The following TTC14 variants were observed in gnomAD, a reference collection of about 807,000 sequenced individuals.
TTC14 encodes the protein tetratricopeptide repeat protein 14.
Under a neutral mutation model 79.9 loss-of-function variants are expected in TTC14, and 63 were observed. That is an observed-to-expected ratio of 0.79 (90% CI 0.64 to 0.97). TTC14 has a LOEUF of 0.97. Ranked by LOEUF, TTC14 falls within the 50% of genes least tolerant of loss-of-function variation. The pLI, the probability that TTC14 is intolerant of heterozygous loss-of-function variation, is 0.00. For synonymous variants in TTC14, 335 were observed against 309.6 expected (o/e 1.08, Z -0.86); for missense variants, 895 against 894.0 (o/e 1.00, Z -0.01).
intron 10 of TTC14, chr3:180,608,141 G>C (rs1346397595): frequency 9.9e-7 from 1 of 1,009,684 alleles, no homozygotes; most frequent in Non-Finnish European, 1.2e-6. Context: ...GTTTTCTCAT[G>C]CATTTTCTTC....
In TTC14 at chr3:180,604,559, G is replaced by T; in HGVS notation, c.653G>T (p.Gly218Val). Residue 218 changes from glycine to valine, a missense_variant, in exon 5 of 12, where the codon GGT becomes GTT. By Grantham distance (109) the Gly-to-Val change is moderately radical. Coordinates refer to ENST00000296015, the MANE Select transcript of TTC14 (RefSeq NM_133462.4). ...TCTTCTCTTCCACCACACCTATCTG[G>T]TATTAAATTAGGTGTAATTAGCTCT... ...YSSSLPPHLS[G>V]IKLGVISSEE... 1.2e-6 allele frequency: 2 copies of T among 1,609,086 alleles called. No individual in the cohort carries two copies. The highest frequency in any genetic ancestry group is 1.7e-6 in the Non-Finnish European group (2 of 1,177,302).
chr3:180,610,989 A>G lies in TTC14; in HGVS notation c.*447A>G, dbSNP rs1716972574. ...AGCTTTTGAAAGATTATATGTTCGA[A>G]TGTTTCTTGAACACTTTTATATTTA... On this transcript the variant is annotated 3_prime_UTR_variant, in exon 12 of 12. Coordinates refer to ENST00000296015, the MANE Select transcript of TTC14 (RefSeq NM_133462.4). 1 of 942,248 alleles carries G rather than the reference A, an allele frequency of 1.1e-6. No homozygotes were observed. Among genetic ancestry groups the G allele is most frequent in the African/African-American group, 1.8e-5 (1 of 56,208 alleles). 58.4% of individuals were successfully genotyped at this position (942,248 alleles called of 1,614,324 possible). A position where few individuals can be genotyped will look rare whatever the true frequency, so the allele number is the denominator to read the frequency against.
Position 180,605,907 on chromosome 3 carries a change from A to G in TTC14, c.929+70A>G. 3.5e-6 allele frequency: 5 copies of G among 1,446,294 alleles called. No individual in the cohort carries two copies. The South Asian group carries it at 5.0e-5, about 15-fold the overall frequency. 89.6% of individuals were successfully genotyped at this position (1,446,294 alleles called of 1,614,324 possible). On this transcript the variant is annotated intron_variant, in intron 7 of 11. Transcript: ENST00000296015. ...AGCTTAGGGCAAGGCAAGCATGCTT[A>G]TATCATCAATAAGACAAATTTGAGA...
chr3:180,605,843 A>C lies in TTC14; in HGVS notation c.929+6A>C. On this transcript the variant is annotated splice_donor_region_variant and intron_variant, in intron 7 of 11. Coordinates refer to ENST00000296015, the MANE Select transcript of TTC14 (RefSeq NM_133462.4). ...GCATCTTGGGCTTTAAAATGGTATG[A>C]AGACTGTCTTTCAACAATTGCATTA... 6.3e-7 allele frequency: 1 copy of C among 1,576,114 alleles called. No individual in the cohort carries two copies. The highest frequency in any genetic ancestry group is 1.7e-4 in the Middle Eastern group (1 of 5,964).
intron 10 of TTC14, 96 bp from the exon 11 acceptor site, chr3:180,608,605 T>C (rs1716819855): frequency 4.4e-6 from 6 of 1,357,564 alleles, no homozygotes; most frequent in Non-Finnish European, 5.7e-6. Context: ...TTTTACTAAA[T>C]TGGGTTTCTC....
downstream of TTC14, chr3:180,614,194 C>T (rs1717128772): frequency 6.3e-6 from 1 of 158,858 alleles, no homozygotes; most frequent in Non-Finnish European, 1.4e-5. Context: ...TTCATTAAAT[C>T]GTTTATTAAA....
chr3:180,614,986 G>A, downstream of TTC14: 1 of 1,565,234 alleles, frequency 6.4e-7, no homozygotes, highest in Non-Finnish European at 8.7e-7. Context: ...GGCCTAGAAG[G>A]GCTGCCTACT....
In TTC14 at chr3:180,609,837, C is replaced by T. The variant is rs1358340374; in HGVS notation, c.1608C>T (p.Cys536=). 2 of 1,613,400 alleles carry T rather than the reference C, an allele frequency of 1.2e-6. No individual in the cohort carries two copies. Among genetic ancestry groups the T allele is most frequent in the Non-Finnish European group, 1.7e-6 (2 of 1,179,796 alleles). Residue 536 remains cysteine (C), a synonymous_variant, in exon 12 of 12, where the codon TGC becomes TGT. Coordinates refer to ENST00000296015, the MANE Select transcript of TTC14 (RefSeq NM_133462.4). ...TAGATCAGAATAGGAAAGATGAGTGCTACCCAGTTCCAGCTAATACTTCAG... is the reference window on the plus strand; with the variant it reads ...TAGATCAGAATAGGAAAGATGAGTGTTACCCAGTTCCAGCTAATACTTCAG... ...NQIDQNRKDE[C]YPVPANTSAS...
At chr3:180,612,261 T>A (rs113022228), downstream of TTC14, among the ~76,000 whole-genome samples, 1,150 of 152,088 alleles carry the variant, frequency 7.6e-3, 13 homozygotes, top group African/African-American at 0.024. Context: ...ATTTAAAAAA[T>A]TTTTTTTTCC....
chr3:180,605,068 C>T (rs568947778), intron 6 of TTC14, 61 bp downstream of exon 6: 498 of 1,517,552 alleles, frequency 3.3e-4, no homozygotes, highest in Admixed American at 4.2e-4. Context: ...TCAGAAGCTG[C>T]GTTTAGCTGA....
Position 180,602,291 on chromosome 3 carries a change from A to C in TTC14, c.30A>C (p.Leu10=). Residue 10 remains leucine, a synonymous_variant, in exon 1 of 12, where the codon CTA becomes CTC. Coordinates refer to ENST00000296015, the MANE Select transcript of TTC14 (RefSeq NM_133462.4). MDRDLLRQS[L]NCHGSSLLSL... ...ACCGGGACCTTTTGCGGCAGTCGCT[A>C]AATTGCCACGGGTCGTCTTTGCTCT... 6.2e-7 allele frequency: 1 copy of C among 1,614,044 alleles called. No individual in the cohort carries two copies. Among genetic ancestry groups the C allele is most frequent in the Non-Finnish European group, 8.5e-7 (1 of 1,180,016 alleles).
chr3:180,606,917 ATACT>A (rs1296356278), intron 9 of TTC14, among the ~76,000 whole-genome samples: 3 of 152,120 alleles, frequency 2.0e-5, no homozygotes, highest in African/African-American at 7.2e-5. Flanking sequence ...AGCTTTTTAC[ATACT>A]TACTAGGTGG....
rs9858483 is a variant in TTC14 at position 180,607,699 on chromosome 3, T to C, written c.1224T>C (p.Ala408=). ...ATGCTGAAAGTTACTATAAGAAAGC[T>C]TTGGCTTTGGATGAGACTTTTAAAG... ...FLNAESYYKK[A]LALDETFKDA... The change falls in exon 10 of 12, where the codon GCT becomes GCC. Residue 408 remains alanine (A), a synonymous_variant. Transcript: ENST00000296015. 158,219 of 1,611,124 alleles carry C rather than the reference T, an allele frequency of 0.098. 8,387 individuals carry two copies. Among genetic ancestry groups the C allele is most frequent in the Admixed American group, 0.13 (7,874 of 59,598 alleles).
At position 180,608,668 on chromosome 3, in the gene TTC14, G is replaced by T. The variant is rs145704973; in HGVS notation, c.1291-33G>T. 2.6e-4 allele frequency: 382 copies of T among 1,472,332 alleles called. 2 individuals carry two copies. The highest frequency in any genetic ancestry group is 2.2e-3 in the African/African-American group (155 of 69,134). The allele number at this position is 1,472,332 out of a possible 1,614,324, so 91.2% of individuals were successfully genotyped here. ...TTTTATATATTCTGCTATTTTTAAC[G>T]TGTGGTTTTTTTCGATATCTGGGTT... On this transcript the variant is annotated intron_variant, in intron 10 of 11. Transcript: ENST00000296015.
rs924497128 is a variant in TTC14 at position 180,610,109 on chromosome 3, G to T, written c.1880G>T (p.Arg627Ile). Residue 627 changes from arginine (R) to isoleucine (I), a missense_variant, in exon 12 of 12, where the codon AGA (arginine) becomes ATA (isoleucine). By Grantham distance (97) the Arg-to-Ile change is moderately conservative. Transcript: ENST00000296015. ...TCAGAAAGACATTTTTCCAGTAGAA[G>T]AAATTCCTCAGATTCCTTCTGTAGG... ...YKSERHFSSR[R>I]NSSDSFCRNS... 11 of 1,612,938 alleles carry T rather than the reference G, an allele frequency of 6.8e-6. No individual in the cohort carries two copies. The highest frequency in any genetic ancestry group is 1.7e-5 in the Admixed American group (1 of 59,762).
chr3:180,616,488 AAATATTT>A (rs1344211228), intron 12 of TTC14: 1 of 1,509,618 alleles, frequency 6.6e-7, no homozygotes, highest in African/African-American at 1.4e-5. Context: ...AGTTTTTAAG[AAATATTT>A]AATAGAAGGT....
chr3:180,603,579 A>G (rs1716507497), intron 3 of TTC14: 1 of 464,452 alleles, frequency 2.2e-6, no homozygotes, highest in African/African-American at 2.0e-5. Context: ...TCAAAGAGGT[A>G]TCAGTGGACG....
At chr3:180,608,638 C>A in intron 10 of TTC14, 63 bp from the exon 11 acceptor site, 1 of 1,392,944 alleles carries the variant, frequency 7.2e-7, no homozygotes, top group Non-Finnish European at 9.3e-7. Flanking sequence ...CTTTTGAATA[C>A]TGGGTTTTAT....
chr3:180,608,846 C>A (rs755216050), intron 11 of TTC14, 36 bp downstream of exon 11: 4 of 1,410,504 alleles, frequency 2.8e-6, no homozygotes, highest in Non-Finnish European at 3.7e-6. Flanking sequence ...AAACTTAAGG[C>A]AACTACTGAA....
Sources: gnomAD v4.1 joint callset for allele counts (sites outside exome capture counted in the v4.1 genomes callset) on GRCh38, gnomAD v4.1.1 for gene constraint, MANE v1.5 for transcripts, NCBI Gene and HGNC (gene_info 2026-07-23, HGNC 2026-07-21) for gene names.